DSE: variants seen among roughly 807,000 people sequenced by gnomAD.
DSE encodes the protein dermatan sulfate epimerase, also known as dermatan-sulfate epimerase.
A neutral mutation model predicts 84.4 loss-of-function variants in DSE; 36 were observed. The observed-to-expected ratio is 0.43, with a 90% confidence interval of 0.33 to 0.56. The LOEUF is 0.56. Ranked by LOEUF, DSE falls within the 20% of genes least tolerant of loss-of-function variation. DSE has a pLI of 0.06. For missense variants in DSE, 862 were observed against 1,169.6 expected (o/e 0.74, Z 3.84); for synonymous variants, 410 against 430.1 (o/e 0.95, Z 0.58).
chr6:116,433,743 T>A (rs1278422753), intron 5 of DSE, among the ~76,000 whole-genome samples, 193 bp downstream of exon 5: 4 of 151,972 alleles, frequency 2.6e-5, no homozygotes, highest in South Asian at 2.1e-4. Context: ...TTTTCTTTTT[T>A]AAAAAAAAAT....
At chr6:116,410,722 AGACTCT>A (rs1782278705) in intron 2 of DSE, among the ~76,000 whole-genome samples, 2 of 116,906 alleles carry the variant, frequency 1.7e-5, no homozygotes, top group Non-Finnish European at 3.3e-5. Flanking sequence ...CGACAGAGCG[AGACTCT>A]GTCTCAAAAA....
chr6:116,404,334 G>A (rs1258314676), intron 2 of DSE, among the ~76,000 whole-genome samples: 1 of 152,208 alleles, frequency 6.6e-6, no homozygotes, highest in African/African-American at 2.4e-5. Flanking sequence ...TTTAAAAGAG[G>A]TTTAGGATAG....
chr6:116,265,959 C>T (rs946111402), intron 2 of DSE, among the ~76,000 whole-genome samples: 1 of 152,144 alleles, frequency 6.6e-6, no homozygotes, highest in Non-Finnish European at 1.5e-5. Context: ...CTTGAGTGTC[C>T]ATGGTGGTCA....
intron 2 of DSE, chr6:116,279,527 G>A: frequency 6.2e-7 from 1 of 1,607,188 alleles, no homozygotes; most frequent in Non-Finnish European, 8.5e-7. Flanking sequence ...GCGGGAGGCT[G>A]GCCCTCTTCC....
chr6:116,368,175 G>C (rs1445851655), upstream of DSE, among the ~76,000 whole-genome samples: 1 of 152,170 alleles, frequency 6.6e-6, no homozygotes, highest in Non-Finnish European at 1.5e-5. Flanking sequence ...GCTAAGGTGA[G>C]AGTGGGGATA....
Position 116,437,193 on chromosome 6 carries a change from A to G in DSE, c.2725A>G (p.Ile909Val), listed in dbSNP as rs758849833. The change falls in exon 6 of 6, where the codon ATT becomes GTT. Residue 909 changes from isoleucine to valine, a missense_variant. By Grantham distance (29) the Ile-to-Val change is conservative (BLOSUM62 3). Transcript: ENST00000644252. ...TACCAGGTTGTTCCTGATTCTGAAC[A>G]TTGCTATTTTCTTTGTCATGTTGGC... ...SYTRLFLILN[I>V]AIFFVMLAMQ... 2.5e-6 allele frequency: 4 copies of G among 1,614,070 alleles called. No homozygotes were observed. The East Asian group carries it at 8.9e-5, about 36-fold the overall frequency.
intron 3 of DSE, among the ~76,000 whole-genome samples, chr6:116,427,329 C>T (rs1583221197): frequency 1.3e-5 from 2 of 152,198 alleles, no homozygotes; most frequent in Admixed American, 1.3e-4. Flanking sequence ...TTTGCTTTAA[C>T]ATATTGCATA....
chr6:116,291,636 G>A (rs1168145174), intron 2 of DSE, among the ~76,000 whole-genome samples: 1 of 151,668 alleles, frequency 6.6e-6, no homozygotes, highest in Non-Finnish European at 1.5e-5. Flanking sequence ...AGAGGATATT[G>A]GAGGCTTTTA....
chr6:116,357,531 C>CA (rs1221843851), intron 2 of DSE, among the ~76,000 whole-genome samples: 139 of 129,220 alleles, frequency 1.1e-3, no homozygotes, highest in Middle Eastern at 4.1e-3. Flanking sequence ...GACTCCATCT[C>CA]AAAAAAAAAA....
chr6:116,370,907 C>G (rs1274431806), upstream of DSE: 1 of 985,572 alleles, frequency 1.0e-6, no homozygotes, highest in Non-Finnish European at 1.2e-6. Context: ...CCCTCCGCCC[C>G]TTTCGCCCAC....
intron 2 of DSE, among the ~76,000 whole-genome samples, chr6:116,325,018 G>A (rs1316124980): frequency 6.6e-6 from 1 of 152,172 alleles, no homozygotes; most frequent in Non-Finnish European, 1.5e-5. Flanking sequence ...TCTGGGGTTA[G>A]GTGTGTTTTG....
At chr6:116,312,417 G>C (rs1247255293) in intron 2 of DSE, among the ~76,000 whole-genome samples, 2 of 152,192 alleles carry the variant, frequency 1.3e-5, no homozygotes, top group African/African-American at 4.8e-5. Flanking sequence ...GCTTCCTGAA[G>C]GAGGACATCA....
chr6:116,270,754 CT>C (rs1358321532), intron 2 of DSE, among the ~76,000 whole-genome samples: 2 of 152,260 alleles, frequency 1.3e-5, no homozygotes, highest in African/African-American at 4.8e-5. Flanking sequence ...GCTATTCAAA[CT>C]TAATTAGGAT....
At chr6:116,396,641 T>C (rs1781266745) in intron 1 of DSE, among the ~76,000 whole-genome samples, 1 of 152,196 alleles carries the variant, frequency 6.6e-6, no homozygotes, top group Non-Finnish European at 1.5e-5. Flanking sequence ...CAAAACAACA[T>C]CTTAATGAGG....
At chr6:116,374,858 C>A (rs1190120834) in intron 1 of DSE, among the ~76,000 whole-genome samples, 1 of 152,204 alleles carries the variant, frequency 6.6e-6, no homozygotes, top group Non-Finnish European at 1.5e-5. Flanking sequence ...ACCCAATCGC[C>A]TCTAGGTCCT....
chr6:116,328,976 G>A (rs1003926736), intron 2 of DSE, among the ~76,000 whole-genome samples: 4 of 152,180 alleles, frequency 2.6e-5, no homozygotes, highest in African/African-American at 9.7e-5. Flanking sequence ...ACGCCTGGCA[G>A]TTCCGCTTAC....
intron 1 of DSE, among the ~76,000 whole-genome samples, chr6:116,374,367 G>C (rs1779793381): frequency 6.6e-6 from 1 of 152,160 alleles, no homozygotes. Flanking sequence ...AGGAGAGCCA[G>C]AATCTGTGGT....
chr6:116,336,992 G>C (rs1376314336), intron 2 of DSE, among the ~76,000 whole-genome samples: 2 of 152,138 alleles, frequency 1.3e-5, no homozygotes, highest in African/African-American at 4.8e-5. Flanking sequence ...AATGAGAATA[G>C]TTAATCATAG....
chr6:116,336,948 CTA>C (rs1268556423), intron 2 of DSE, among the ~76,000 whole-genome samples: 1 of 152,074 alleles, frequency 6.6e-6, no homozygotes, highest in Non-Finnish European at 1.5e-5. Flanking sequence ...CATTTCATGA[CTA>C]TAGATTCAAA....
Sources: gnomAD v4.1 joint callset for allele counts (sites outside exome capture counted in the v4.1 genomes callset) on GRCh38, gnomAD v4.1.1 for gene constraint, MANE v1.5 for transcripts, NCBI Gene and HGNC (gene_info 2026-07-23, HGNC 2026-07-21) for gene names.